TOLLIP: variants seen among roughly 807,000 people sequenced by gnomAD.
The protein encoded by TOLLIP is toll-interacting protein.
Under a neutral mutation model 33.5 loss-of-function variants are expected in TOLLIP, and 16 were observed. That is an observed-to-expected ratio of 0.48 (90% CI 0.32 to 0.72). The LOEUF (loss-of-function observed/expected upper bound fraction) is 0.72. TOLLIP is among the 30% of genes least tolerant of loss of function. The pLI is 0.03. For synonymous variants in TOLLIP, 176 were observed against 163.7 expected, an observed-to-expected ratio of 1.07 and a Z score of -0.57; for missense variants, 325 against 396.6, an observed-to-expected ratio of 0.82 and a Z score of 1.53.
intron 5 of TOLLIP, among the ~76,000 whole-genome samples, chr11:1,283,077 G>A (rs934320916): frequency 3.9e-5 from 6 of 152,220 alleles, no homozygotes; most frequent in African/African-American, 1.2e-4. Context: ...TTTAGTTCCC[G>A]GGGAACAGCC....
At position 1,288,683 on chromosome 11, in the gene TOLLIP, G is replaced by C; in HGVS notation, c.460C>G (p.Leu154Val). 2 of 1,612,900 alleles carry C rather than the reference G, an allele frequency of 1.2e-6. No individual in the cohort carries two copies. The highest frequency in any genetic ancestry group is 8.5e-7 in the Non-Finnish European group (1 of 1,179,870). Residue 154 changes from leucine to valine, a missense_variant, in exon 4 of 6, where the codon CTG (leucine) becomes GTG (valine). Physicochemically the swap from Leu to Val is conservative, Grantham distance 32 (BLOSUM62 1). Coordinates refer to ENST00000317204, the MANE Select transcript of TOLLIP (RefSeq NM_019009.4). ...QGKVEDKWYS[L>V]SGRQGDDKEG... The stretch of plus-strand genomic sequence containing the variant: ...TTGTCGTCCCCCTGCCTCCCGCTCA[G>C]GCTGTACCACTTGTCCTCCACCTTG...
At chr11:1,307,293 A>G (rs1864445618) in intron 1 of TOLLIP, among the ~76,000 whole-genome samples, 1 of 152,254 alleles carries the variant, frequency 6.6e-6, no homozygotes, top group Non-Finnish European at 1.5e-5. Flanking sequence ...CTGCTCGTCT[A>G]CATGATGGAA....
In TOLLIP at chr11:1,276,708, C is replaced by T. The variant is rs956375943; in HGVS notation, c.*331G>A. ...ATGGAATCGGAAGGCGCTCCACCAC[C>T]TCCAACACCCTGGCAGAAGCAGCTG... On this transcript the variant is annotated 3_prime_UTR_variant, in exon 6 of 6. Transcript: ENST00000317204. 2.8e-6 allele frequency: 4 copies of T among 1,425,698 alleles called. No individual in the cohort carries two copies. Among genetic ancestry groups the T allele is most frequent in the South Asian group, 1.2e-5 (1 of 82,280 alleles). The allele number at this position is 1,425,698 out of a possible 1,614,324, so 88.3% of individuals were successfully genotyped here. A position where few individuals can be genotyped will look rare whatever the true frequency, so the allele number is the denominator to read the frequency against.
At chr11:1,289,961 C>T (rs889727751) in intron 3 of TOLLIP, 15 of 454,186 alleles carry the variant, frequency 3.3e-5, no homozygotes, top group South Asian at 1.1e-4. Flanking sequence ...GTGCGCCCAG[C>T]GGAGGGGACA....
chr11:1,299,342 C>T (rs555717418), intron 1 of TOLLIP, among the ~76,000 whole-genome samples: 7 of 152,298 alleles, frequency 4.6e-5, no homozygotes, highest in East Asian at 3.9e-4. Context: ...GCAATGCCCT[C>T]GTTTCTCAAC....
intron 1 of TOLLIP, among the ~76,000 whole-genome samples, chr11:1,301,014 C>T (rs547999376): frequency 7.9e-5 from 12 of 152,388 alleles, no homozygotes; most frequent in African/African-American, 2.4e-4. Context: ...CGAGTCTCAG[C>T]GCTAACGCCA....
At chr11:1,306,647 TG>T (rs1864430533) in intron 1 of TOLLIP, among the ~76,000 whole-genome samples, 1 of 152,062 alleles carries the variant, frequency 6.6e-6, no homozygotes, top group Non-Finnish European at 1.5e-5. Flanking sequence ...TCAGAGGGGC[TG>T]GGGTGGGTCA....
At chr11:1,284,286 C>T (rs1339048240) in intron 5 of TOLLIP, among the ~76,000 whole-genome samples, 2 of 152,072 alleles carry the variant, frequency 1.3e-5, no homozygotes, top group Non-Finnish European at 2.9e-5. Context: ...CACCTGTGGT[C>T]ACCTCCTAGG....
intron 1 of TOLLIP, among the ~76,000 whole-genome samples, chr11:1,308,600 T>G (rs542906513): frequency 6.6e-6 from 1 of 152,334 alleles, no homozygotes; most frequent in South Asian, 2.1e-4. Context: ...CCTGCAATAT[T>G]AATGCTATAG....
At chr11:1,283,971 C>G (rs1238965075) in intron 5 of TOLLIP, among the ~76,000 whole-genome samples, 7 of 152,210 alleles carry the variant, frequency 4.6e-5, no homozygotes, top group Non-Finnish European at 7.3e-5. Flanking sequence ...CTCAGGACAA[C>G]CAGACAGAAC....
In TOLLIP at chr11:1,295,804, CG is replaced by C; in HGVS notation, c.34-11del. 6.5e-7 allele frequency: 1 copy of C among 1,546,448 alleles called. No homozygotes were observed. Among genetic ancestry groups the C allele is most frequent in the Non-Finnish European group, 8.8e-7 (1 of 1,142,628 alleles). On this transcript the variant is annotated splice_polypyrimidine_tract_variant and intron_variant, in intron 1 of 5. Transcript: ENST00000317204. ...GCTCACCGATGTACACCTGCGGGGC[CG>C]GGGACCAGAGAGGCCAGTGAGTCAG...
Position 1,285,984 on chromosome 11 carries a change from G to A in TOLLIP, c.610+18C>T. On this transcript the variant is annotated intron_variant, in intron 5 of 5. Transcript: ENST00000317204. ...GTTTCTACCAGGGGAGAGGCACCCAGGGAGGGAGCACACGCACCTGTGATG... is the reference window on the plus strand; with the variant it reads ...GTTTCTACCAGGGGAGAGGCACCCAAGGAGGGAGCACACGCACCTGTGATG... 1 of 1,575,360 alleles carries A rather than the reference G, an allele frequency of 6.3e-7. No homozygotes were observed. Among genetic ancestry groups the A allele is most frequent in the Non-Finnish European group, 8.6e-7 (1 of 1,159,520 alleles).
Position 1,295,659 on chromosome 11 carries a change from T to C in TOLLIP, c.169A>G (p.Ile57Val), listed in dbSNP as rs148253939. The change falls in exon 2 of 6, where the codon ATC (isoleucine) becomes GTC (valine). Residue 57 changes from isoleucine to valine, a missense_variant. Physicochemically the swap from Ile to Val is conservative, Grantham distance 29 (BLOSUM62 3). Coordinates refer to ENST00000317204, the MANE Select transcript of TOLLIP (RefSeq NM_019009.4). ...GAVGTVGRLNITVVQAKLAKN... is the reference protein window; with the variant it reads ...GAVGTVGRLNVTVVQAKLAKN... ...CCAAGGCCCACCTGTACCACCGTGA[T>C]GTTCAGTCGGCCCACGGTGCCCACT... The C allele has an allele frequency of 4.1e-4, 653 of 1,589,672 alleles. No individual in the cohort carries two copies. The Middle Eastern group carries it at 4.2e-3, about 10-fold the overall frequency.
intron 5 of TOLLIP, among the ~76,000 whole-genome samples, chr11:1,280,797 T>G (rs1863473431): frequency 6.6e-6 from 1 of 152,140 alleles, no homozygotes; most frequent in Admixed American, 6.5e-5. Flanking sequence ...ACCTTCCACC[T>G]CAGCGCCTGT....
chr11:1,295,573 G>A (rs1162081099), intron 2 of TOLLIP, 72 bp downstream of exon 2: 24 of 1,427,528 alleles, frequency 1.7e-5, no homozygotes, highest in Non-Finnish European at 2.2e-5. Context: ...CAGTATAAAC[G>A]CCGAAATCCG....
intron 3 of TOLLIP, chr11:1,289,982 G>A (rs1863881566): frequency 3.8e-6 from 2 of 523,616 alleles, no homozygotes; most frequent in South Asian, 2.3e-5. Context: ...CGTGCACGCT[G>A]TATCCCTGGG....
rs374029431 is a variant in TOLLIP at position 1,290,281 on chromosome 11, G to A, written c.312C>T (p.Ile104=). The A allele has an allele frequency of 6.2e-6, 10 of 1,613,506 alleles. No individual in the cohort carries two copies. Among genetic ancestry groups the A allele is most frequent in the Non-Finnish European group, 8.5e-6 (10 of 1,179,990 alleles). Reference sequence around the variant, plus strand: ...CCACGCCTGGGGGCACCGTGCAGTGGATGACCTTATTCCAGCGGGGATTCT... The same window carrying A: ...CCACGCCTGGGGGCACCGTGCAGTGAATGACCTTATTCCAGCGGGGATTCT... ...GAKNPRWNKV[I]HCTVPPGVDS... Residue 104 remains isoleucine, a synonymous_variant, in exon 3 of 6, where the codon ATC becomes ATT. Transcript: ENST00000317204. The surrounding 1 kb of genome is among the most constrained non-coding windows in gnomAD (Gnocchi z 4.9).
rs1246056472 is a variant in TOLLIP at position 1,285,367 on chromosome 11, C to T, written c.610+635G>A. Among the ~76,000 whole-genome samples, 3 of 152,282 alleles carry T rather than the reference C, an allele frequency of 2.0e-5. No individual in the cohort carries two copies. The East Asian group carries it at 5.8e-4, about 29-fold the overall frequency. ...TCAGGGGCTGCGGTCTCCCCGCCTGCTAAAGACGGCTGGGCCCATCCATGG... is the reference window on the plus strand; with the variant it reads ...TCAGGGGCTGCGGTCTCCCCGCCTGTTAAAGACGGCTGGGCCCATCCATGG... On this transcript the variant is annotated intron_variant, in intron 5 of 5. Coordinates refer to ENST00000317204, the MANE Select transcript of TOLLIP (RefSeq NM_019009.4).
At position 1,274,705 on chromosome 11, in the gene TOLLIP, AACCCAGGAGCAGGAGCAGCAGAG is replaced by A. The variant is rs1204242446; in HGVS notation, c.*2311_*2333del. 1 of 152,268 alleles carries A rather than the reference AACCCAGGAGCAGGAGCAGCAGAG, an allele frequency of 6.6e-6. No homozygotes were observed. Among genetic ancestry groups the A allele is most frequent in the African/African-American group, 2.4e-5 (1 of 41,450 alleles). The allele number at this position is 152,268 out of a possible 1,614,324, so 9.4% of individuals were successfully genotyped here. On this transcript the variant is annotated 3_prime_UTR_variant, in exon 6 of 6. Transcript: ENST00000317204. ...AGCTGGCGATCGGCCTGCATCTTCA[AACCCAGGAGCAGGAGCAGCAGAG>A]GCTGGCAAGGCCTGGGCCCTCAGAC...
Sources: allele counts gnomAD v4.1 joint callset (sites outside exome capture counted in the v4.1 genomes callset), GRCh38; gene constraint gnomAD v4.1.1; non-coding constraint Gnocchi (gnomAD v3.1); transcripts MANE v1.5; gene names NCBI Gene and HGNC (gene_info 2026-07-23, HGNC 2026-07-21).